The following MCM6 variants were observed in gnomAD, a reference collection of about 807,000 sequenced individuals.
The protein encoded by MCM6 is minichromosome maintenance complex component 6, also known as DNA replication licensing factor MCM6.
Under a neutral mutation model 94.3 loss-of-function variants are expected in MCM6, and 46 were observed. The ratio of observed to expected loss-of-function variants is 0.49; its 90% confidence interval spans 0.39 to 0.62. MCM6 has a LOEUF of 0.62. Ranked by LOEUF, MCM6 falls within the 20% of genes least tolerant of loss-of-function variation. The probability of loss-of-function intolerance (pLI) is 0.00; values close to 1 mark genes in which losing one functional copy is unlikely to be tolerated. For synonymous variants in MCM6, 335 were observed against 351.9 expected (o/e 0.95, Z 0.54); for missense variants, 865 against 1,017.9 (o/e 0.85, Z 2.04).
chr2:135,869,341 C>G (rs1176994673), intron 3 of MCM6, among the ~76,000 whole-genome samples: 1 of 144,920 alleles, frequency 6.9e-6, no homozygotes, highest in Non-Finnish European at 1.5e-5. Flanking sequence ...GTGGAGGGTG[C>G]AGTGAGCCAA....
At chr2:135,860,383 C>G (rs12466410) in intron 8 of MCM6, among the ~76,000 whole-genome samples, 1 of 150,394 alleles carries the variant, frequency 6.6e-6, no homozygotes, top group African/African-American at 2.5e-5. Context: ...ATCCACCCAC[C>G]TCAGCCTCCC....
intron 12 of MCM6, 72 bp downstream of exon 12, chr2:135,852,715 T>A: frequency 9.1e-7 from 1 of 1,098,542 alleles, no homozygotes; most frequent in Non-Finnish European, 1.2e-6. Flanking sequence ...TTAATTTCCA[T>A]ATAACACACT....
intron 7 of MCM6, among the ~76,000 whole-genome samples, chr2:135,864,582 A>G (rs1300152013): frequency 6.6e-6 from 1 of 152,240 alleles, no homozygotes; most frequent in Non-Finnish European, 1.5e-5. Flanking sequence ...AGGCCAGGAA[A>G]TAAGATGACA....
Position 135,865,102 on chromosome 2 carries a change from G to A in MCM6, c.989C>T (p.Thr330Ile). The change falls in exon 7 of 17, where the codon ACT becomes ATT. Residue 330 changes from threonine (T) to isoleucine (I), a missense_variant. By Grantham distance (89) the Thr-to-Ile change is moderately conservative. This residue lies in a region of MCM6 where 404 missense variants were observed against 451.9 expected (regional missense o/e 0.89). Coordinates refer to ENST00000264156, the MANE Select transcript of MCM6 (RefSeq NM_005915.6). ...QTAESIKNQM[T>I]VKEWEKVFEM... Reference sequence around the variant, plus strand: ...AAACACTTTCTCCCATTCTTTCACAGTCATTTGGTTCTTAATGCTCTCAGC... The same window carrying A: ...AAACACTTTCTCCCATTCTTTCACAATCATTTGGTTCTTAATGCTCTCAGC... 6.3e-7 allele frequency: 1 copy of A among 1,581,342 alleles called. No homozygotes were observed. The highest frequency in any genetic ancestry group is 8.6e-7 in the Non-Finnish European group (1 of 1,164,644).
At chr2:135,859,762 C>T (rs1249988139) in intron 8 of MCM6, among the ~76,000 whole-genome samples, 1 of 152,062 alleles carries the variant, frequency 6.6e-6, no homozygotes, top group African/African-American at 2.4e-5. Context: ...GCCATCACGC[C>T]TGGCTAATTT....
Position 135,840,687 on chromosome 2 carries a change from A to G in MCM6, c.*148T>C. On this transcript the variant is annotated 3_prime_UTR_variant, in exon 17 of 17. Coordinates refer to ENST00000264156, the MANE Select transcript of MCM6 (RefSeq NM_005915.6). ...ACCTGTGATGAATGTGACACATAGGACCATCAACTCAATTCTTGTTTCTGA... is the reference window on the plus strand; with the variant it reads ...ACCTGTGATGAATGTGACACATAGGGCCATCAACTCAATTCTTGTTTCTGA... 1 of 607,424 alleles carries G rather than the reference A, an allele frequency of 1.6e-6. No individual in the cohort carries two copies. The highest frequency in any genetic ancestry group is 2.8e-5 in the East Asian group (1 of 36,048). The allele number at this position is 607,424 out of a possible 1,614,324, so 37.6% of individuals were successfully genotyped here.
chr2:135,851,286 A>G, intron 13 of MCM6, 116 bp downstream of exon 13: 1 of 775,100 alleles, frequency 1.3e-6, no homozygotes, highest in Non-Finnish European at 2.0e-6. Context: ...ATGAGCATTC[A>G]ACAGTTACAT....
At chr2:135,876,049 C>G (rs975660588) in intron 1 of MCM6, among the ~76,000 whole-genome samples, 1 of 152,206 alleles carries the variant, frequency 6.6e-6, no homozygotes, top group Non-Finnish European at 1.5e-5. Flanking sequence ...TCTTAGGGCT[C>G]GAGATGGGTT....
chr2:135,865,625 C>T (rs1488260356), intron 6 of MCM6, among the ~76,000 whole-genome samples: 1 of 152,108 alleles, frequency 6.6e-6, no homozygotes, highest in Non-Finnish European at 1.5e-5. Flanking sequence ...AGAAGAATAA[C>T]AGAGGAACTA....
intron 4 of MCM6, 113 bp from the exon 5 acceptor site, chr2:135,866,841 A>G: frequency 2.3e-6 from 2 of 854,124 alleles, no homozygotes; most frequent in Non-Finnish European, 3.5e-6. Flanking sequence ...CTGACCCATT[A>G]GCAGACTTTT....
chr2:135,876,241 G>T lies in MCM6; in HGVS notation c.107+18C>A. The T allele has an allele frequency of 6.3e-7, 1 of 1,574,810 alleles. No individual in the cohort carries two copies. On this transcript the variant is annotated intron_variant, in intron 1 of 16. Coordinates refer to ENST00000264156, the MANE Select transcript of MCM6 (RefSeq NM_005915.6). ...AGGCTCCGGAGGCGGGCGAGGCCCGGGGCGCTCGCCGACTTACTCCTCCAA... is the reference window on the plus strand; with the variant it reads ...AGGCTCCGGAGGCGGGCGAGGCCCGTGGCGCTCGCCGACTTACTCCTCCAA...
At position 135,844,557 on chromosome 2, in the gene MCM6, T is replaced by A; in HGVS notation, c.2337A>T (p.Arg779=). ...KKRIIEKVIH[R]LTHYDHVLIE... is the part of the protein sequence containing the mutation. ...CTTCTGCACCTACATAGTGTGTGAG[T>A]CGATGAATAACTTTCTCTATGATTC... Residue 779 remains arginine, a synonymous_variant, in exon 16 of 17, where the codon CGA becomes CGT. Coordinates refer to ENST00000264156, the MANE Select transcript of MCM6 (RefSeq NM_005915.6). 6.4e-7 allele frequency: 1 copy of A among 1,571,668 alleles called. No homozygotes were observed. Among genetic ancestry groups the A allele is most frequent in the Non-Finnish European group, 8.6e-7 (1 of 1,161,184 alleles).
At chr2:135,871,613 T>C (rs1680203771) in intron 2 of MCM6, among the ~76,000 whole-genome samples, 1 of 152,382 alleles carries the variant, frequency 6.6e-6, no homozygotes, top group African/African-American at 2.4e-5. Flanking sequence ...TTTCTTGCTA[T>C]ATATAACAAG....
At chr2:135,852,979 C>A in intron 11 of MCM6, 64 bp from the exon 12 acceptor site, 1 of 1,425,264 alleles carries the variant, frequency 7.0e-7, no homozygotes, top group South Asian at 1.4e-5. Flanking sequence ...CTATCCCAGG[C>A]AATAAGAAAT....
At chr2:135,867,651 T>C (rs770902418) in intron 4 of MCM6, among the ~76,000 whole-genome samples, 5 of 152,146 alleles carry the variant, frequency 3.3e-5, no homozygotes, top group Non-Finnish European at 7.3e-5. Flanking sequence ...ACTACTGCCA[T>C]CCATCACCTC....
In MCM6 at chr2:135,876,342, C is replaced by T; in HGVS notation, c.24G>A (p.Glu8=). MDLAAAA[E]PGAGSQHLEV... is the part of the protein sequence containing the mutation. ...CCAGGTGCTGGCTGCCGGCGCCCGG[C>T]TCCGCTGCCGCCGCGAGGTCCATAT... The change falls in exon 1 of 17, where the codon GAG becomes GAA. Residue 8 remains glutamate (E), a synonymous_variant. Transcript: ENST00000264156. 1.3e-5 allele frequency: 21 copies of T among 1,608,820 alleles called. No homozygotes were observed. The highest frequency in any genetic ancestry group is 2.2e-5 in the South Asian group (2 of 90,888).
chr2:135,858,028 AAG>A, intron 9 of MCM6, 24 bp from the exon 10 acceptor site: 1 of 1,603,604 alleles, frequency 6.2e-7, no homozygotes, highest in Non-Finnish European at 8.5e-7. Flanking sequence ...AATCAAGCCT[AAG>A]AAGCTGTCTT....
chr2:135,854,426 A>G (rs1679833764), intron 11 of MCM6, among the ~76,000 whole-genome samples: 2 of 145,748 alleles, frequency 1.4e-5, no homozygotes, highest in African/African-American at 5.1e-5. Context: ...GCTACTCAGG[A>G]GGCTGAGGCA....
At position 135,851,453 on chromosome 2, in the gene MCM6, C is replaced by G; in HGVS notation, c.1866G>C (p.Glu622Asp). ...SSWRITVRQL[E>D]SMIRLSEAMA... The stretch of plus-strand genomic sequence containing the variant: ...TAGCTTCAGAGAGACGAATCATGCT[C>G]TCAAGCTGTCGCACTGTAATCCTCC... Residue 622 changes from glutamate (E) to aspartate (D), a missense_variant, in exon 13 of 17, where the codon GAG (glutamate) becomes GAC (aspartate). This residue lies in a region of MCM6 where 308 missense variants were observed against 324.5 expected (regional missense o/e 0.95). Transcript: ENST00000264156. 1 of 1,613,860 alleles carries G rather than the reference C, an allele frequency of 6.2e-7. No individual in the cohort carries two copies. The highest frequency in any genetic ancestry group is 8.5e-7 in the Non-Finnish European group (1 of 1,179,920).
Sources: allele counts gnomAD v4.1 joint callset (sites outside exome capture counted in the v4.1 genomes callset), GRCh38; gene constraint gnomAD v4.1.1; regional missense constraint gnomAD v4.1.1; transcripts MANE v1.5; gene names NCBI Gene and HGNC (gene_info 2026-07-23, HGNC 2026-07-21).